Variants in SMG1 observed in about 807,000 individuals in gnomAD.
SMG1 encodes serine/threonine-protein kinase SMG1.
Under a neutral mutation model 419.9 loss-of-function variants are expected in SMG1, and 22 were observed. The ratio of observed to expected loss-of-function variants is 0.05; its 90% confidence interval spans 0.04 to 0.07. SMG1 has a LOEUF of 0.07. SMG1 is among the 10% of genes least tolerant of loss of function. The pLI is 1.00. For synonymous variants in SMG1, 1,538 were observed against 1,553.5 expected, an observed-to-expected ratio of 0.99 and a Z score of 0.23; for missense variants, 3,185 against 4,342.0, an observed-to-expected ratio of 0.73 and a Z score of 7.49.
intron 6 of SMG1, among the ~76,000 whole-genome samples, chr16:18,886,312 A>G (rs1334822291): frequency 6.6e-6 from 1 of 152,222 alleles, no homozygotes; most frequent in Non-Finnish European, 1.5e-5. Flanking sequence ...ACCACACATA[A>G]ATAACATGCA....
chr16:18,924,185 G>A (rs936739736), intron 1 of SMG1, among the ~76,000 whole-genome samples: 1 of 152,026 alleles, frequency 6.6e-6, no homozygotes, highest in Non-Finnish European at 1.5e-5. Flanking sequence ...CCCCTCCCCA[G>A]AGCCAAGAAA....
chr16:18,871,474 A>G lies in SMG1; in HGVS notation c.2192T>C (p.Leu731Ser). ...AGCTGCTTCCAAAGCCCAAGTCATT[A>G]ACAGTTTCCTGAAACACAAAATATA... The part of the protein sequence containing the change: ...DNLNQDTRKL[L>S]MTWALEAAVL... Residue 731 changes from leucine (L) to serine (S), a missense_variant, in exon 16 of 63, where the codon TTA becomes TCA. By Grantham distance (145) the Leu-to-Ser change is moderately radical. Around this residue, in one of 27 missense-constraint regions of SMG1, gnomAD observed 297 missense variants for 491.0 expected, o/e 0.60. Transcript: ENST00000446231. The G allele has an allele frequency of 6.3e-7, 1 of 1,575,604 alleles. No individual in the cohort carries two copies. Among genetic ancestry groups the G allele is most frequent in the African/African-American group, 1.4e-5 (1 of 73,134 alleles).
At chr16:18,925,764 G>A (rs1002830722) in intron 1 of SMG1, 186 bp downstream of exon 1, 5 of 466,826 alleles carry the variant, frequency 1.1e-5, no homozygotes, top group Non-Finnish European at 1.5e-5. Flanking sequence ...AGGGAGGGGA[G>A]GCACTTAGGC....
At position 18,816,506 on chromosome 16, in the gene SMG1, A is replaced by C. The variant is rs2032012910; in HGVS notation, c.10098T>G (p.Ile3366Met). ...QRVDTGLEHP[I>M]GSSEWLLSAH... is the part of the protein sequence containing the mutation. ...CTGACAAAAGCCATTCAGAGCTGCC[A>C]ATAGGATGTTCAAGACCAGTGTCCT... Residue 3366 changes from isoleucine (I) to methionine (M), a missense_variant, in exon 58 of 63, where the codon ATT becomes ATG. This residue lies in a region of SMG1 where 737 missense variants were observed against 846.6 expected (regional missense o/e 0.87). Transcript: ENST00000446231. The C allele has an allele frequency of 6.2e-7, 1 of 1,613,868 alleles. No homozygotes were observed. Among genetic ancestry groups the C allele is most frequent in the Non-Finnish European group, 8.5e-7 (1 of 1,179,882 alleles).
Position 18,901,957 on chromosome 16 carries a change from G to A in SMG1, c.93-5001C>T, listed in dbSNP as rs377202454. 5.1e-4 allele frequency among the ~76,000 whole-genome samples: 76 copies of A among 149,830 alleles called. No individual in the cohort carries two copies. The South Asian group carries it at 7.9e-3, about 16-fold the overall frequency. ...AAGACTATCTCCAAAAAAAAAAAGG[G>A]GGGGGTGGCGGTGGGGGGAAGGTGT... On this transcript the variant is annotated intron_variant, in intron 1 of 62. Coordinates refer to ENST00000446231, the MANE Select transcript of SMG1 (RefSeq NM_015092.5).
At chr16:18,861,874 G>C (rs62046316) in intron 25 of SMG1, among the ~76,000 whole-genome samples, 76,709 of 151,814 alleles carry the variant, frequency 0.51, 19,644 homozygotes, top group Middle Eastern at 0.59. Context: ...TCTGTCTATA[G>C]CAACTTTGAC....
rs35487751 is a variant in SMG1 at position 18,896,782 on chromosome 16, A to AAT, written c.256+9_256+10dup. ...AAAAACATGCTTGTAGCAATAAGAAAATATATATACCCTTTTCGTCATTCT... is the reference window on the plus strand; with the variant it reads ...AAAAACATGCTTGTAGCAATAAGAAAATATATATATACCCTTTTCGTCATTCT... On this transcript the variant is annotated intron_variant, in intron 2 of 62. Coordinates refer to ENST00000446231, the MANE Select transcript of SMG1 (RefSeq NM_015092.5). The AAT allele has an allele frequency of 0.36, 561,425 of 1,579,290 alleles. 103,725 individuals carry two copies. The highest frequency in any genetic ancestry group is 0.38 in the Non-Finnish European group (441,023 of 1,152,930).
chr16:18,814,439 C>A (rs1326383439), intron 60 of SMG1, among the ~76,000 whole-genome samples: 2 of 151,102 alleles, frequency 1.3e-5, no homozygotes, highest in Admixed American at 6.6e-5. Context: ...GTGGAGGTTA[C>A]AGTGAGCCGC....
chr16:18,889,410 T>C lies in SMG1; in HGVS notation c.784A>G (p.Thr262Ala). ...YLCATYKALETVGEKKAFSSV... is the reference protein window; with the variant it reads ...YLCATYKALEAVGEKKAFSSV... ...GAAAAGGCTTTCTTTTCTCCTACAGTCTCTAGTGCTTTGTAGGTGGCACAT... is the reference window on the plus strand; with the variant it reads ...GAAAAGGCTTTCTTTTCTCCTACAGCCTCTAGTGCTTTGTAGGTGGCACAT... The change falls in exon 6 of 63, where the codon ACT becomes GCT. Residue 262 changes from threonine (T) to alanine (A), a missense_variant. Thr to Ala is a moderately conservative substitution (Grantham distance 58, BLOSUM62 0). This residue lies in a region of SMG1 where 53 missense variants were observed against 56.3 expected (regional missense o/e 0.94). Coordinates refer to ENST00000446231, the MANE Select transcript of SMG1 (RefSeq NM_015092.5). 1.7e-6 allele frequency: 1 copy of C among 592,930 alleles called. No individual in the cohort carries two copies. Among genetic ancestry groups the C allele is most frequent in the East Asian group, 2.8e-5 (1 of 35,934 alleles). 36.7% of individuals were successfully genotyped at this position (592,930 alleles called of 1,614,324 possible).
In SMG1 at chr16:18,829,447, T is replaced by C; in HGVS notation, c.9442A>G (p.Ile3148Val). 3.7e-6 allele frequency: 6 copies of C among 1,613,994 alleles called. No individual in the cohort carries two copies. The highest frequency in any genetic ancestry group is 5.1e-6 in the Non-Finnish European group (6 of 1,179,896). ...ATAACCAGCTGAGAGAACTTCCCTA[T>C]CTGGATGTTATGTTCCACCGCTTTC... ...CKKAVEHNIQ[I>V]GKFSQLVMNR... is the part of the protein sequence containing the mutation. The change falls in exon 54 of 63, where the codon ATA (isoleucine) becomes GTA (valine). Residue 3148 changes from isoleucine to valine, a missense_variant. Ile to Val is a conservative substitution (Grantham distance 29). Coordinates refer to ENST00000446231, the MANE Select transcript of SMG1 (RefSeq NM_015092.5).
intron 1 of SMG1, among the ~76,000 whole-genome samples, chr16:18,916,093 G>GAAA (rs71141095): frequency 9.5e-6 from 1 of 105,754 alleles, no homozygotes; most frequent in Non-Finnish European, 1.8e-5. Context: ...AAAAAAACCA[G>GAAA]AAAAAAAAAA....
chr16:18,919,655 TATACAC>T (rs752223198), intron 1 of SMG1, among the ~76,000 whole-genome samples: 2,021 of 80,020 alleles, frequency 0.025, 50 homozygotes, highest in African/African-American at 0.052. Flanking sequence ...TGTGTGTATA[TATACAC>T]ACACACACAC....
In SMG1 at chr16:18,817,331, C is replaced by G; in HGVS notation, c.10034G>C (p.Ser3345Thr). 6.2e-7 allele frequency: 1 copy of G among 1,612,466 alleles called. No homozygotes were observed. The highest frequency in any genetic ancestry group is 8.5e-7 in the Non-Finnish European group (1 of 1,179,292). ...ACGAAGCTCTAACTCAGACACTGAA[C>G]TGTTAAACTGTGATGCAAACGAACA... ...QMCSFASQFN[S>T]SVSELELRLL... The change falls in exon 57 of 63, where the codon AGT (serine) becomes ACT (threonine). Residue 3345 changes from serine to threonine, a missense_variant. Ser to Thr is a moderately conservative substitution (Grantham distance 58, BLOSUM62 1). Transcript: ENST00000446231.
chr16:18,881,130 A>C (rs1189594307), intron 10 of SMG1, among the ~76,000 whole-genome samples: 3 of 150,798 alleles, frequency 2.0e-5, no homozygotes, highest in Non-Finnish European at 4.4e-5. Context: ...AAAAAAAATT[A>C]AATTAAATTA....
In SMG1 at chr16:18,807,852, T is replaced by C. The variant is rs942317770; in HGVS notation, c.*1717A>G. ...TCGGCTCACTGCAAGCTCCGCCTCC[T>C]GGGTTCACGCCATTCTCCTGCCTCA... On this transcript the variant is annotated 3_prime_UTR_variant, in exon 63 of 63. Coordinates refer to ENST00000446231, the MANE Select transcript of SMG1 (RefSeq NM_015092.5). 1 of 152,156 alleles carries C rather than the reference T, an allele frequency of 6.6e-6. No individual in the cohort carries two copies. The highest frequency in any genetic ancestry group is 1.5e-5 in the Non-Finnish European group (1 of 68,032). 9.4% of individuals were successfully genotyped at this position (152,156 alleles called of 1,614,324 possible). A position where few individuals can be genotyped will look rare whatever the true frequency, so the allele number is the denominator to read the frequency against.
At chr16:18,873,311 G>A (rs1419976794) in intron 13 of SMG1, among the ~76,000 whole-genome samples, 16 of 151,922 alleles carry the variant, frequency 1.1e-4, no homozygotes, top group South Asian at 2.1e-4. Flanking sequence ...CTCCACCTCC[G>A]GGGTTCAAGC....
At position 18,854,649 on chromosome 16, in the gene SMG1, T is replaced by C. The variant is rs767405903; in HGVS notation, c.4483+7A>G. The C allele has an allele frequency of 1.2e-6, 2 of 1,609,506 alleles. No individual in the cohort carries two copies. The highest frequency in any genetic ancestry group is 2.2e-5 in the East Asian group (1 of 44,842). On this transcript the variant is annotated splice_region_variant and intron_variant, in intron 30 of 62. Transcript: ENST00000446231. The stretch of plus-strand genomic sequence containing the variant: ...CTCATGTATTAACCATAATTAATTT[T>C]ACTAACCTGCTGTATAAAGCAATTT...
At chr16:18,900,313 A>C (rs1380986288) in intron 1 of SMG1, among the ~76,000 whole-genome samples, 1 of 152,216 alleles carries the variant, frequency 6.6e-6, no homozygotes, top group East Asian at 1.9e-4. Flanking sequence ...TATAGTTACC[A>C]CTTATTTTAG....
In SMG1 at chr16:18,812,233, T is replaced by C. The variant is rs1283079436; in HGVS notation, c.10622-106A>G. On this transcript the variant is annotated intron_variant, in intron 60 of 62. Coordinates refer to ENST00000446231, the MANE Select transcript of SMG1 (RefSeq NM_015092.5). ...GGTAGTGGTTGATACCCCAATTAAATAATCAACTATAAATCCTTATCCTTG... is the reference window on the plus strand; with the variant it reads ...GGTAGTGGTTGATACCCCAATTAAACAATCAACTATAAATCCTTATCCTTG... 2.9e-6 allele frequency: 3 copies of C among 1,041,886 alleles called. No individual in the cohort carries two copies. The Admixed American group carries it at 7.9e-5, about 27-fold the overall frequency. 64.5% of individuals were successfully genotyped at this position (1,041,886 alleles called of 1,614,324 possible). A position where few individuals can be genotyped will look rare whatever the true frequency, so the allele number is the denominator to read the frequency against.
Sources: allele counts gnomAD v4.1 joint callset (sites outside exome capture counted in the v4.1 genomes callset), GRCh38; gene constraint gnomAD v4.1.1; regional missense constraint gnomAD v4.1.1; transcripts MANE v1.5; gene names NCBI Gene and HGNC (gene_info 2026-07-23, HGNC 2026-07-21).